Variants in BAIAP3 observed in about 807,000 individuals in gnomAD.
BAIAP3 encodes the protein BAI1 associated protein 3.
Under a neutral mutation model 149.7 loss-of-function variants are expected in BAIAP3, and 180 were observed. The observed-to-expected ratio is 1.20, with a 90% confidence interval of 1.07 to 1.36. The LOEUF (loss-of-function observed/expected upper bound fraction) is 1.36. Ranked by LOEUF, BAIAP3 falls within the 40% of genes most tolerant of loss-of-function variation. BAIAP3 has a pLI of 0.00. For synonymous variants in BAIAP3, 845 were observed against 670.7 expected (o/e 1.26, Z -4.02); for missense variants, 1,767 against 1,563.4 (o/e 1.13, Z -2.20).
In BAIAP3 at chr16:1,348,571, G is replaced by C. The variant is rs1161549924; in HGVS notation, c.*89G>C. 20 of 1,314,248 alleles carry C rather than the reference G, an allele frequency of 1.5e-5. No individual in the cohort carries two copies. Among genetic ancestry groups the C allele is most frequent in the Admixed American group, 4.0e-5 (2 of 49,720 alleles). 81.4% of individuals were successfully genotyped at this position (1,314,248 alleles called of 1,614,324 possible). On this transcript the variant is annotated 3_prime_UTR_variant, in exon 34 of 34. Transcript: ENST00000426824. ...CACTGTGGCCAGCTTTGTGCAACCA[G>C]GGCCCACGGCGCCCCTCCTGTGCTG... is the stretch of plus-strand genomic sequence containing the variant.
At chr16:1,340,437 ATG>A (rs2033841414) in intron 5 of BAIAP3, among the ~76,000 whole-genome samples, 1 of 99,736 alleles carries the variant, frequency 1.0e-5, no homozygotes, top group African/African-American at 3.1e-5. Context: ...GTACACAGAC[ATG>A]CACACAGGTT....
chr16:1,343,245 T>C, intron 14 of BAIAP3, 148 bp from the exon 15 acceptor site: 2 of 1,282,636 alleles, frequency 1.6e-6, no homozygotes, highest in Non-Finnish European at 2.1e-6. Flanking sequence ...GCAGCGCTAA[T>C]TGGAGGGCAG....
At position 1,348,254 on chromosome 16, in the gene BAIAP3, G is replaced by A; in HGVS notation, c.3308G>A (p.Arg1103Lys). The A allele has an allele frequency of 1.2e-6, 2 of 1,603,326 alleles. No individual in the cohort carries two copies. Among genetic ancestry groups the A allele is most frequent in the African/African-American group, 1.3e-5 (1 of 74,940 alleles). The change falls in exon 33 of 34, where the codon AGG (arginine) becomes AAG (lysine). Residue 1103 changes from arginine (R) to lysine (K), a missense_variant. By Grantham distance (26) the Arg-to-Lys change is conservative. Coordinates refer to ENST00000426824, the MANE Select transcript of BAIAP3 (RefSeq NM_001199097.2). Reference protein sequence around the residue: ...VARPQVGGGARAGQPVTLHLC... With the variant: ...VARPQVGGGAKAGQPVTLHLC... Reference sequence around the variant, plus strand: ...CGGCCCCAGGTGGGCGGGGGTGCAAGGGCTGGGCAGCCTGTCACCCTGCAC... The same window carrying A: ...CGGCCCCAGGTGGGCGGGGGTGCAAAGGCTGGGCAGCCTGTCACCCTGCAC...
rs548428267 is a variant in BAIAP3 at position 1,341,413 on chromosome 16, C to A, written c.655C>A (p.Leu219Met). The change falls in exon 8 of 34, where the codon CTG becomes ATG. Residue 219 changes from leucine to methionine, a missense_variant. By Grantham distance (15) the Leu-to-Met change is conservative. Transcript: ENST00000426824. ...FRKGSKRGGP[L>M]PAKCIQVTEV... ...CAAGGGCAGCAAGCGCGGTGGACCCCTGCCTGCCAAGTGCATCCAGGTCAC... is the reference window on the plus strand; with the variant it reads ...CAAGGGCAGCAAGCGCGGTGGACCCATGCCTGCCAAGTGCATCCAGGTCAC... 6.2e-7 allele frequency: 1 copy of A among 1,612,710 alleles called. No homozygotes were observed. The highest frequency in any genetic ancestry group is 1.3e-5 in the African/African-American group (1 of 75,074).
Position 1,338,898 on chromosome 16 carries a change from C to G in BAIAP3, c.132-4C>G, listed in dbSNP as rs756641821. 2.5e-6 allele frequency: 4 copies of G among 1,612,974 alleles called. No homozygotes were observed. The South Asian group carries it at 3.3e-5, about 13-fold the overall frequency. On this transcript the variant is annotated splice_region_variant and splice_polypyrimidine_tract_variant and intron_variant, in intron 2 of 33. Transcript: ENST00000426824. ...GCTGTGAGCTGACCCGGCTCTTTCT[C>G]CAGGAAACCCGGGGATGGCGTGGAG...
chr16:1,334,543 G>C (rs904186591), intron 1 of BAIAP3: 3 of 899,260 alleles, frequency 3.3e-6, no homozygotes, highest in Middle Eastern at 3.5e-4. Flanking sequence ...CTCGGGCTCC[G>C]GTCTCCTGCG....
At position 1,339,171 on chromosome 16, in the gene BAIAP3, T is replaced by A. The variant is rs1458668931; in HGVS notation, c.227T>A (p.Leu76Gln). Residue 76 changes from leucine to glutamine, a missense_variant, in exon 4 of 34, where the codon CTG becomes CAG. Coordinates refer to ENST00000426824, the MANE Select transcript of BAIAP3 (RefSeq NM_001199097.2). Reference sequence around the variant, plus strand: ...CCTGGGCCCCACACACAGGTCCCCCTGCGCAGTGGCTCGCCAGCACCCCCG... The same window carrying A: ...CCTGGGCCCCACACACAGGTCCCCCAGCGCAGTGGCTCGCCAGCACCCCCG... ...RQGLPCLEVP[L>Q]RSGSPAPPEP... 6.4e-7 allele frequency: 1 copy of A among 1,567,886 alleles called. No individual in the cohort carries two copies. The highest frequency in any genetic ancestry group is 1.2e-5 in the South Asian group (1 of 86,144).
rs1249472489 is a variant in BAIAP3 at position 1,348,257 on chromosome 16, C to T, written c.3311C>T (p.Ala1104Val). 1.2e-6 allele frequency: 2 copies of T among 1,602,616 alleles called. No homozygotes were observed. Among genetic ancestry groups the T allele is most frequent in the South Asian group, 1.1e-5 (1 of 90,310 alleles). Residue 1104 changes from alanine (A) to valine (V), a missense_variant, in exon 33 of 34, where the codon GCT becomes GTT. Transcript: ENST00000426824. The part of the protein sequence containing the change: ...ARPQVGGGAR[A>V]GQPVTLHLCR... The stretch of plus-strand genomic sequence containing the variant: ...CCCCAGGTGGGCGGGGGTGCAAGGG[C>T]TGGGCAGCCTGTCACCCTGCACCTG...
Position 1,346,366 on chromosome 16 carries a change from G to A in BAIAP3, c.2493+5G>A. On this transcript the variant is annotated splice_donor_5th_base_variant and intron_variant, in intron 25 of 33. Transcript: ENST00000426824. ...ACAGCGCACCTGACCTCTAAGGTGG[G>A]TGGGGCCTGGAGACCAAGGCGTGGA... The A allele has an allele frequency of 6.2e-7, 1 of 1,609,648 alleles. No individual in the cohort carries two copies. The highest frequency in any genetic ancestry group is 8.5e-7 in the Non-Finnish European group (1 of 1,177,486).
intron 21 of BAIAP3, 29 bp from the exon 22 acceptor site, chr16:1,345,220 G>A (rs539513868): frequency 1.2e-6 from 2 of 1,611,460 alleles, no homozygotes; most frequent in Admixed American, 1.7e-5. Flanking sequence ...CTGAGTCAGG[G>A]CCGAGCCCTC....
Position 1,342,260 on chromosome 16 carries a change from G to C in BAIAP3, c.934G>C (p.Gly312Arg). The change falls in exon 11 of 34, where the codon GGG becomes CGG. Residue 312 changes from glycine to arginine, a missense_variant. Coordinates refer to ENST00000426824, the MANE Select transcript of BAIAP3 (RefSeq NM_001199097.2). ...CGAGGACCACACCGATGACTTCCTG[G>C]GGTGCCTCAACATACCTGTCCGGGT... Reference protein sequence around the residue: ...PTEDHTDDFLGCLNIPVREVP... With the variant: ...PTEDHTDDFLRCLNIPVREVP... 6.2e-7 allele frequency: 1 copy of C among 1,612,592 alleles called. No homozygotes were observed. Among genetic ancestry groups the C allele is most frequent in the Non-Finnish European group, 8.5e-7 (1 of 1,179,852 alleles).
chr16:1,347,574 A>G lies in BAIAP3; in HGVS notation c.2853A>G (p.Lys951=), dbSNP rs1471474207. 6.2e-7 allele frequency: 1 copy of G among 1,612,356 alleles called. No homozygotes were observed. Among genetic ancestry groups the G allele is most frequent in the Admixed American group, 1.7e-5 (1 of 59,936 alleles). ...KRLKEELRLH[K]CSTRECIEQF... The stretch of plus-strand genomic sequence containing the variant: ...TGAAGGAGGAGCTGCGGCTGCACAA[A>G]TGTTCCACCCGCGAGTGCATCGAGC... The change falls in exon 30 of 34, where the codon AAA becomes AAG. Residue 951 remains lysine (K), a synonymous_variant. Coordinates refer to ENST00000426824, the MANE Select transcript of BAIAP3 (RefSeq NM_001199097.2).
rs776012087 is a variant in BAIAP3, at chr16:1,342,511, C to T, written c.958-16C>T. The T allele has an allele frequency of 3.2e-6, 5 of 1,549,374 alleles. No homozygotes were observed. In the East Asian group the frequency reaches 7.3e-5, roughly 23 times the overall value. ...GGGGAGGAGTCTGGTGGGCCTGACC[C>T]CCATGCTACCCCCAGGAGGTGCCTG... On this transcript the variant is annotated splice_polypyrimidine_tract_variant and intron_variant, in intron 11 of 33. Coordinates refer to ENST00000426824, the MANE Select transcript of BAIAP3 (RefSeq NM_001199097.2).
chr16:1,347,158 C>T (rs932448591), intron 28 of BAIAP3, 140 bp from the exon 29 acceptor site: 12 of 980,598 alleles, frequency 1.2e-5, no homozygotes, highest in African/African-American at 1.6e-5. Flanking sequence ...GCTTCCGATG[C>T]CCGCCAGGGT....
Position 1,339,195 on chromosome 16 carries a change from C to T in BAIAP3, c.251C>T (p.Pro84Leu), listed in dbSNP as rs61749061. The change falls in exon 4 of 34, where the codon CCG becomes CTG. Residue 84 changes from proline to leucine, a missense_variant. Transcript: ENST00000426824. ...VPLRSGSPAPPEPVDPSLGLR... is the reference protein window; with the variant it reads ...VPLRSGSPAPLEPVDPSLGLR... ...CTGCGCAGTGGCTCGCCAGCACCCC[C>T]GGAGCCTGTGGATCCCAGCCTCGGC... 30,655 of 1,565,522 alleles carry T rather than the reference C, an allele frequency of 0.02. 726 individuals carry two copies. Among genetic ancestry groups the T allele is most frequent in the African/African-American group, 0.082 (6,101 of 74,044 alleles).
At position 1,348,197 on chromosome 16, in the gene BAIAP3, C is replaced by T. The variant is rs1198146154; in HGVS notation, c.3251C>T (p.Ala1084Val). The T allele has an allele frequency of 1.9e-6, 3 of 1,609,068 alleles. No homozygotes were observed. Among genetic ancestry groups the T allele is most frequent in the Middle Eastern group, 1.6e-4 (1 of 6,062 alleles). ...LSTNDFAGEA[A>V]LGLGGVTGVA... The stretch of plus-strand genomic sequence containing the variant: ...ACCAACGACTTCGCTGGGGAGGCGG[C>T]CCTCGGCCTAGGTGGCGTCACTGGT... Residue 1084 changes from alanine to valine, a missense_variant, in exon 33 of 34, where the codon GCC becomes GTC. Coordinates refer to ENST00000426824, the MANE Select transcript of BAIAP3 (RefSeq NM_001199097.2).
At chr16:1,343,049 T>C (rs1406508759) in intron 14 of BAIAP3, 33 bp downstream of exon 14, 2 of 1,540,266 alleles carry the variant, frequency 1.3e-6, no homozygotes, top group Non-Finnish European at 1.8e-6. Context: ...GGGCGGGGAA[T>C]GTGGGCGGGC....
At chr16:1,339,438 C>G in intron 4 of BAIAP3, 58 bp from the exon 5 acceptor site, 3 of 1,538,594 alleles carry the variant, frequency 1.9e-6, no homozygotes, top group Non-Finnish European at 2.7e-6. Flanking sequence ...ACAGGAGGTG[C>G]TGCTGAGGGC....
intron 1 of BAIAP3, 88 bp from the exon 2 acceptor site, chr16:1,338,452 C>CCGGGGGGGG: frequency 1.9e-5 from 4 of 211,092 alleles, no homozygotes; most frequent in Non-Finnish European, 4.0e-5. Context: ...CACCTCTTCC[C>CCGGGGGGGG]GCCCCACCCC....
Sources: gnomAD v4.1 joint callset for allele counts (sites outside exome capture counted in the v4.1 genomes callset) on GRCh38, gnomAD v4.1.1 for gene constraint, MANE v1.5 for transcripts, NCBI Gene and HGNC (gene_info 2026-07-23, HGNC 2026-07-21) for gene names.